GRIK4: variants seen among roughly 807,000 people sequenced by gnomAD.
GRIK4 encodes the protein glutamate receptor ionotropic, kainate 4.
GRIK4 carries 40 observed loss-of-function variants against 104.9 expected under a neutral mutation model. That is an observed-to-expected ratio of 0.38 (90% CI 0.30 to 0.50). The LOEUF (loss-of-function observed/expected upper bound fraction) is 0.50. Among genes scored for constraint, GRIK4 ranks in the 20% least tolerant of loss-of-function variants. The pLI is 0.93. For synonymous variants in GRIK4, 485 were observed against 524.9 expected (o/e 0.92, Z 1.04); for missense variants, 1,047 against 1,308.1 (o/e 0.80, Z 3.08).
chr11:120,915,999 A>C (rs1943097792), intron 13 of GRIK4, among the ~76,000 whole-genome samples: 2 of 152,188 alleles, frequency 1.3e-5, no homozygotes, highest in Admixed American at 1.3e-4. Flanking sequence ...TCTGGAACAA[A>C]GGATGACTTG....
intron 3 of GRIK4, among the ~76,000 whole-genome samples, chr11:120,734,011 C>T (rs1238670763): frequency 6.6e-6 from 1 of 152,194 alleles, no homozygotes; most frequent in Non-Finnish European, 1.5e-5. Flanking sequence ...GCTGGGATTA[C>T]AGGCGTGAGC....
chr11:120,692,995 G>A (rs530572991), intron 3 of GRIK4, among the ~76,000 whole-genome samples: 320 of 152,194 alleles, frequency 2.1e-3, no homozygotes, highest in Non-Finnish European at 3.3e-3. Flanking sequence ...GCCTCCCAAA[G>A]TGCTGGGATT....
At chr11:120,963,218 G>A (rs1202147812) in intron 18 of GRIK4, among the ~76,000 whole-genome samples, 3 of 152,188 alleles carry the variant, frequency 2.0e-5, no homozygotes, top group South Asian at 2.1e-4. Flanking sequence ...ATGGTAGGTC[G>A]GTGTGGGTCA....
In GRIK4 at chr11:120,980,056, G is replaced by A. The variant is rs1358568061; in HGVS notation, c.2396-2050G>A. Among the ~76,000 whole-genome samples, 5 of 152,264 alleles carry A rather than the reference G, an allele frequency of 3.3e-5. No individual in the cohort carries two copies. In the East Asian group the frequency reaches 9.7e-4, roughly 29 times the overall value. ...TTATCATGATGGCCAGGCTGGTCTC[G>A]AACTCCTGACATCAAGTGATCTGCC... On this transcript the variant is annotated intron_variant, in intron 19 of 20. Coordinates refer to ENST00000527524, the MANE Select transcript of GRIK4 (RefSeq NM_014619.5).
At chr11:120,655,748 G>A (rs1292067644) in intron 2 of GRIK4, among the ~76,000 whole-genome samples, 1 of 152,174 alleles carries the variant, frequency 6.6e-6, no homozygotes, top group Non-Finnish European at 1.5e-5. Context: ...GGGGGTGTGG[G>A]AACAGAGAAA....
intron 9 of GRIK4, chr11:120,870,405 T>A (rs1408448161): frequency 6.6e-6 from 1 of 152,252 alleles, no homozygotes; most frequent in African/African-American, 2.4e-5. Flanking sequence ...GGCCCCAACA[T>A]AGGGCATTAG....
chr11:120,527,150 G>C (rs1947865688), intron 1 of GRIK4, among the ~76,000 whole-genome samples: 1 of 152,264 alleles, frequency 6.6e-6, no homozygotes, highest in African/African-American at 2.4e-5. Context: ...TGCAAAGGCA[G>C]GTGGGGTTGC....
chr11:120,873,551 C>A (rs1954671507), intron 9 of GRIK4: 1 of 152,706 alleles, frequency 6.5e-6, no homozygotes, highest in Admixed American at 6.5e-5. Context: ...TGCTTCATAC[C>A]TACTCATCAA....
intron 1 of GRIK4, among the ~76,000 whole-genome samples, chr11:120,574,817 C>G (rs1948457169): frequency 6.6e-6 from 1 of 152,132 alleles, no homozygotes; most frequent in South Asian, 2.1e-4. Flanking sequence ...CCTGCAGTGT[C>G]CACTGAGCCA....
chr11:120,897,132 T>C (rs1942603208), intron 11 of GRIK4, among the ~76,000 whole-genome samples: 1 of 151,346 alleles, frequency 6.6e-6, no homozygotes, highest in Non-Finnish European at 1.5e-5. Flanking sequence ...CTGGGCAACA[T>C]AATAAGACCC....
Position 120,700,686 on chromosome 11 carries a change from C to G in GRIK4, c.82+40286C>G, listed in dbSNP as rs192035253. Among the ~76,000 whole-genome samples, 15 of 152,112 alleles carry G rather than the reference C, an allele frequency of 9.9e-5. No homozygotes were observed. The South Asian group carries it at 2.3e-3, about 23-fold the overall frequency. Reference sequence around the variant, plus strand: ...GTTAGCTAGACTGGTCTCAAACTCCCGACCTCGTGATCCGCCCACTTTGGC... The same window carrying G: ...GTTAGCTAGACTGGTCTCAAACTCCGGACCTCGTGATCCGCCCACTTTGGC... On this transcript the variant is annotated intron_variant, in intron 3 of 20. Transcript: ENST00000527524.
Position 120,515,310 on chromosome 11 carries a change from G to A in GRIK4, c.-159+3423G>A, listed in dbSNP as rs139323789. Among the ~76,000 whole-genome samples, 22 of 152,256 alleles carry A rather than the reference G, an allele frequency of 1.4e-4. No individual in the cohort carries two copies. In the East Asian group the frequency reaches 2.7e-3, roughly 19 times the overall value. On this transcript the variant is annotated intron_variant, in intron 1 of 20. Transcript: ENST00000527524. ...CTCACATCACTCCCTGCATGACCTCGGACAAGTTGCCTCACCTCTCTGAGC... is the reference window on the plus strand; with the variant it reads ...CTCACATCACTCCCTGCATGACCTCAGACAAGTTGCCTCACCTCTCTGAGC...
chr11:120,874,651 C>T (rs1954724862), intron 10 of GRIK4, among the ~76,000 whole-genome samples: 1 of 152,194 alleles, frequency 6.6e-6, no homozygotes, highest in Non-Finnish European at 1.5e-5. Context: ...AGCCATGCTT[C>T]CTCTGGTGGG....
intron 13 of GRIK4, among the ~76,000 whole-genome samples, chr11:120,919,180 G>A (rs1029874619): frequency 6.6e-6 from 1 of 151,836 alleles, no homozygotes; most frequent in Non-Finnish European, 1.5e-5. Context: ...GCCGGCAGAG[G>A]GAACGGTGTG....
Position 120,555,247 on chromosome 11 carries a change from G to T in GRIK4, c.-159+43360G>T, listed in dbSNP as rs1948176306. 6.6e-6 allele frequency among the ~76,000 whole-genome samples: 1 copy of T among 152,212 alleles called. No individual in the cohort carries two copies. Among genetic ancestry groups the T allele is most frequent in the African/African-American group, 2.4e-5 (1 of 41,452 alleles). ...TATGCTTTTTGCTGGCTGTCCAAAA[G>T]CAAAACCCAGCAAGTGGCTTCCTGT... On this transcript the variant is annotated intron_variant, in intron 1 of 20. Coordinates refer to ENST00000527524, the MANE Select transcript of GRIK4 (RefSeq NM_014619.5). This position sits in a 1 kb window ranked among gnomAD's most constrained non-coding sequence, Gnocchi z 5.3.
intron 3 of GRIK4, among the ~76,000 whole-genome samples, chr11:120,720,846 G>A (rs530781997): frequency 3.3e-5 from 5 of 152,226 alleles, no homozygotes; most frequent in Admixed American, 3.3e-4. Context: ...AGTGTGTGAT[G>A]GAAAGGTTAG....
At chr11:120,863,624 G>T (rs1358601730) in intron 9 of GRIK4, among the ~76,000 whole-genome samples, 1 of 152,236 alleles carries the variant, frequency 6.6e-6, no homozygotes, top group Non-Finnish European at 1.5e-5. Flanking sequence ...ATGGAATTGG[G>T]TACACTCCTG....
chr11:120,639,884 A>T (rs993017209), intron 1 of GRIK4, among the ~76,000 whole-genome samples: 1 of 152,148 alleles, frequency 6.6e-6, no homozygotes, highest in Admixed American at 6.5e-5. Flanking sequence ...CCTAGAATAC[A>T]ATCTAGACTT....
chr11:120,817,377 C>A (rs997401538), intron 5 of GRIK4, among the ~76,000 whole-genome samples: 1 of 152,246 alleles, frequency 6.6e-6, no homozygotes, highest in Non-Finnish European at 1.5e-5. Flanking sequence ...CAGACGCTTA[C>A]CCGCCTTTGT....
Sources: allele counts gnomAD v4.1 joint callset (sites outside exome capture counted in the v4.1 genomes callset), GRCh38; gene constraint gnomAD v4.1.1; non-coding constraint Gnocchi (gnomAD v3.1); transcripts MANE v1.5; gene names NCBI Gene and HGNC (gene_info 2026-07-23, HGNC 2026-07-21).